Variants in PCDH15 observed in about 807,000 individuals in gnomAD.
PCDH15 encodes protocadherin-15.
In PCDH15, 129 loss-of-function variants were observed where a neutral mutation model predicts 178.5. The observed-to-expected ratio is 0.72, with a 90% CI of 0.63 to 0.84. PCDH15 has a LOEUF of 0.84. Ranked by LOEUF, PCDH15 falls within the 40% of genes least tolerant of loss-of-function variation. The probability of loss-of-function intolerance (pLI) is 0.00; values close to 1 mark genes in which losing one functional copy is unlikely to be tolerated. For missense variants in PCDH15, 2,230 were observed against 2,099.9 expected, an observed-to-expected ratio of 1.06 and a Z score of -1.21; for synonymous variants, 800 against 732.0, an observed-to-expected ratio of 1.09 and a Z score of -1.50.
At chr10:54,466,085 C>T (rs1004208477) in intron 3 of PCDH15, among the ~76,000 whole-genome samples, 1 of 151,768 alleles carries the variant, frequency 6.6e-6, no homozygotes, top group African/African-American at 2.4e-5. Flanking sequence ...TGTTGAGATC[C>T]TTGTATAATC....
intron 1 of PCDH15, among the ~76,000 whole-genome samples, chr10:54,752,258 T>C (rs11004541): frequency 0.5 from 74,338 of 149,548 alleles, 18,997 homozygotes; most frequent in Middle Eastern, 0.67. Context: ...GGACAGATCA[T>C]GAAGTCAGGA....
intron 2 of PCDH15, among the ~76,000 whole-genome samples, chr10:54,615,879 C>T (rs1023845102): frequency 6.6e-6 from 1 of 151,882 alleles, no homozygotes; most frequent in African/African-American, 2.4e-5. Flanking sequence ...TAAAAATATT[C>T]CCAGTGGAAA....
intron 1 of PCDH15, among the ~76,000 whole-genome samples, chr10:54,773,050 T>A (rs754481595): frequency 5.3e-5 from 8 of 150,012 alleles, no homozygotes; most frequent in Non-Finnish European, 1.2e-4. Context: ...AGCTGAATTA[T>A]GAGAACACAC....
At chr10:53,841,353 G>T (rs1163997387) in intron 28 of PCDH15, among the ~76,000 whole-genome samples, 1 of 152,002 alleles carries the variant, frequency 6.6e-6, no homozygotes, top group African/African-American at 2.4e-5. Context: ...TAGACTCAAT[G>T]CTCTTTTCTG....
chr10:54,848,497 G>A (rs771351607), intron 3 of PCDH15, among the ~76,000 whole-genome samples: 18 of 151,448 alleles, frequency 1.2e-4, no homozygotes, highest in Non-Finnish European at 2.2e-4. Context: ...CACTCAGCCC[G>A]CTTACCAAGT....
chr10:54,109,269 C>A (rs1037157083), intron 15 of PCDH15, among the ~76,000 whole-genome samples: 2 of 152,138 alleles, frequency 1.3e-5, no homozygotes, highest in Non-Finnish European at 2.9e-5. Flanking sequence ...CAAAATATGG[C>A]AGAGCTATCT....
At chr10:55,443,900 T>C (rs1839254332) in intron 2 of PCDH15, among the ~76,000 whole-genome samples, 2 of 151,950 alleles carry the variant, frequency 1.3e-5, no homozygotes, top group South Asian at 2.1e-4. Context: ...CCCATCAATG[T>C]CAGGCTGGAT....
intron 13 of PCDH15, among the ~76,000 whole-genome samples, chr10:54,169,397 G>A (rs544455775): frequency 5.2e-5 from 7 of 133,796 alleles, no homozygotes; most frequent in Admixed American, 3.9e-4. Context: ...TAACTGTTGT[G>A]GGTATTGACG....
intron 29 of PCDH15, 127 bp downstream of exon 29, chr10:53,840,189 CTTTG>C: frequency 8.8e-7 from 1 of 1,141,804 alleles, no homozygotes; most frequent in African/African-American, 1.6e-5. Context: ...ATTTCAGGTT[CTTTG>C]CTTACACTTC....
intron 2 of PCDH15, among the ~76,000 whole-genome samples, chr10:55,139,407 T>TA (rs529473723): frequency 1.5e-3 from 234 of 152,180 alleles, no homozygotes; most frequent in Admixed American, 3.7e-3. Context: ...TAAAGTCTTA[T>TA]AGTTTTGTAT....
chr10:54,002,500 A>G (rs2092206294), intron 20 of PCDH15, among the ~76,000 whole-genome samples: 1 of 152,172 alleles, frequency 6.6e-6, no homozygotes, highest in Admixed American at 6.6e-5. Context: ...ATCTTCTCTG[A>G]CCACAACAGA....
chr10:53,934,956 T>TAA lies in PCDH15; in HGVS notation c.3373+3857_3373+3858dup, dbSNP rs370478961. 5.8e-3 allele frequency among the ~76,000 whole-genome samples: 856 copies of TAA among 147,514 alleles called. 7 individuals carry two copies. The highest frequency in any genetic ancestry group is 0.02 in the African/African-American group (814 of 40,202). On this transcript the variant is annotated intron_variant, in intron 25 of 37. Coordinates refer to ENST00000644397, the MANE Select transcript of PCDH15 (RefSeq NM_001384140.1). ...TAATAAAAAAAAAAAAGTCTAGAAT[T>TAA]AAAAAAAAAATCCCTAAATGAGACT...
chr10:54,796,851 C>G (rs1952073004), intron 1 of PCDH15, among the ~76,000 whole-genome samples: 1 of 151,936 alleles, frequency 6.6e-6, no homozygotes, highest in African/African-American at 2.4e-5. Context: ...TTTAATGACC[C>G]TTTTCTGGAT....
intron 11 of PCDH15, among the ~76,000 whole-genome samples, chr10:54,191,986 C>G (rs34611759): frequency 0.46 from 57,593 of 125,220 alleles, 14,821 homozygotes; most frequent in East Asian, 0.94. Flanking sequence ...AAGGAAGGGA[C>G]GGGGGGAAGG....
At chr10:55,434,604 G>A (rs1054167700) in intron 2 of PCDH15, among the ~76,000 whole-genome samples, 45 of 106,590 alleles carry the variant, frequency 4.2e-4, no homozygotes, top group African/African-American at 1.9e-3. Context: ...ACAAAGTCAT[G>A]ACATTAATTT....
intron 1 of PCDH15, among the ~76,000 whole-genome samples, chr10:54,719,454 G>A (rs1316447541): frequency 1.3e-5 from 2 of 151,940 alleles, no homozygotes; most frequent in Non-Finnish European, 2.9e-5. Context: ...AAATAATTCA[G>A]CAAAACTCCC....
At chr10:54,015,379 A>G (rs950033729) in intron 20 of PCDH15, among the ~76,000 whole-genome samples, 3 of 64,692 alleles carry the variant, frequency 4.6e-5, no homozygotes, top group Admixed American at 1.7e-4. Context: ...TACCAAAGGC[A>G]TTATTCACAA....
chr10:54,714,240 T>C (rs1199962441), intron 1 of PCDH15, among the ~76,000 whole-genome samples: 1 of 152,170 alleles, frequency 6.6e-6, no homozygotes, highest in Non-Finnish European at 1.5e-5. Context: ...GTGAACTGTC[T>C]ATCGCAAACA....
chr10:54,208,336 T>C (rs1456420187), intron 10 of PCDH15, among the ~76,000 whole-genome samples: 1 of 152,044 alleles, frequency 6.6e-6, no homozygotes, highest in Non-Finnish European at 1.5e-5. Context: ...CCTACTGAAC[T>C]GAGGTGTGGT....
Sources: gnomAD v4.1 joint callset for allele counts (sites outside exome capture counted in the v4.1 genomes callset) on GRCh38, gnomAD v4.1.1 for gene constraint, MANE v1.5 for transcripts, NCBI Gene and HGNC (gene_info 2026-07-23, HGNC 2026-07-21) for gene names.